The following KLHL29 variants were observed in gnomAD, a reference collection of about 807,000 sequenced individuals.
The protein encoded by KLHL29 is kelch like family member 29.
Under a neutral mutation model 80.4 loss-of-function variants are expected in KLHL29, and 21 were observed. That is an observed-to-expected ratio of 0.26 (90% CI 0.19 to 0.38). The LOEUF (loss-of-function observed/expected upper bound fraction) is 0.38, where lower values mean the gene tolerates loss of function less well. Among genes scored for constraint, KLHL29 ranks in the 10% least tolerant of loss-of-function variants. The pLI, the probability that KLHL29 is intolerant of heterozygous loss-of-function variation, is 1.00. For synonymous variants in KLHL29, 511 were observed against 526.8 expected (o/e 0.97, Z 0.41); for missense variants, 867 against 1,223.9 (o/e 0.71, Z 4.35).
chr2:23,417,683 C>T lies in KLHL29; in HGVS notation c.-154+31903C>T, dbSNP rs371381613. ...TTTTTATCACTGCATTGTCTCTCCT[C>T]CAGCCTCACCTTTCTCTCCCCTCCA... is the stretch of plus-strand genomic sequence containing the variant. On this transcript the variant is annotated intron_variant, in intron 1 of 13. Coordinates refer to ENST00000486442, the MANE Select transcript of KLHL29 (RefSeq NM_052920.2). Among the ~76,000 whole-genome samples, 350 of 152,282 alleles carry T rather than the reference C, an allele frequency of 2.3e-3. 1 individual carries two copies. Among genetic ancestry groups the T allele is most frequent in the Admixed American group, 6.7e-3 (103 of 15,308 alleles).
chr2:23,512,445 CA>C (rs35197507), intron 2 of KLHL29, among the ~76,000 whole-genome samples: 99,126 of 144,864 alleles, frequency 0.68, 33,054 homozygotes, highest in African/African-American at 0.71. Flanking sequence ...AATTCTGTCT[CA>C]AAAAAAAAAA....
rs542371749 is a variant in KLHL29, at chr2:23,695,461, G to C, written c.1543-162G>C. Among the ~76,000 whole-genome samples the C allele has an allele frequency of 3.0e-4, 45 of 152,198 alleles. No homozygotes were observed. Among genetic ancestry groups the C allele is most frequent in the African/African-American group, 1.0e-3 (42 of 41,540 alleles). On this transcript the variant is annotated intron_variant, in intron 8 of 13. Transcript: ENST00000486442. The surrounding 1 kb of genome is among the most constrained non-coding windows in gnomAD (Gnocchi z 7.6). The stretch of plus-strand genomic sequence containing the variant: ...TCCCCTCCACACCTCCAGCTGACTA[G>C]ACTTCCCTTCACCTCTGTCTAGGCT...
chr2:23,691,791 C>T lies in KLHL29; in HGVS notation c.1197C>T (p.Ile399=), dbSNP rs765000339. ...TTGTCTACACGGGCTCCCTGGTCATCGACTCGGCCAACGCCAAGACACTGC... is the reference window on the plus strand; with the variant it reads ...TTGTCTACACGGGCTCCCTGGTCATTGACTCGGCCAACGCCAAGACACTGC... ...LEFVYTGSLV[I]DSANAKTLLE... is the part of the protein sequence containing the mutation. The change falls in exon 7 of 14, where the codon ATC becomes ATT. Residue 399 remains isoleucine, a synonymous_variant. Coordinates refer to ENST00000486442, the MANE Select transcript of KLHL29 (RefSeq NM_052920.2). 2.8e-5 allele frequency: 44 copies of T among 1,551,516 alleles called. No individual in the cohort carries two copies. Among genetic ancestry groups the T allele is most frequent in the Non-Finnish European group, 3.7e-5 (42 of 1,147,018 alleles).
chr2:23,537,417 TACACACACACACACACACACACAC>T (rs5741924), intron 2 of KLHL29, among the ~76,000 whole-genome samples: 16 of 149,050 alleles, frequency 1.1e-4, no homozygotes, highest in East Asian at 4.0e-4. Context: ...GGGCAGAAAC[TACACACACACACACACACACACAC>T]ACACACACAC....
At chr2:23,494,549 C>T (rs1219534702) in intron 2 of KLHL29, among the ~76,000 whole-genome samples, 7 of 152,202 alleles carry the variant, frequency 4.6e-5, no homozygotes, top group East Asian at 1.9e-4. Context: ...CGTGCTTTGT[C>T]GTGAATATCC....
intron 1 of KLHL29, among the ~76,000 whole-genome samples, chr2:23,436,842 G>A (rs1338697576): frequency 6.6e-6 from 1 of 152,200 alleles, no homozygotes; most frequent in African/African-American, 2.4e-5. Context: ...TTAGACTTGG[G>A]AGCTGTTTCT....
intron 4 of KLHL29, among the ~76,000 whole-genome samples, chr2:23,640,821 C>T (rs1018345627): frequency 3.3e-5 from 5 of 152,226 alleles, no homozygotes; most frequent in Non-Finnish European, 7.3e-5. Flanking sequence ...GCGATGCAGG[C>T]CTCGTACCGT....
At position 23,605,601 on chromosome 2, in the gene KLHL29, A is replaced by T. The variant is rs1438872560; in HGVS notation, c.286-33538A>T. Among the ~76,000 whole-genome samples, 3 of 152,082 alleles carry T rather than the reference A, an allele frequency of 2.0e-5. No homozygotes were observed. The East Asian group carries it at 5.8e-4, about 29-fold the overall frequency. On this transcript the variant is annotated intron_variant, in intron 3 of 13. Transcript: ENST00000486442. ...AAAGTCGATTTGGTATATTTTCAGA[A>T]CATGTAACTCCTTAGTGATTAGACT...
intron 3 of KLHL29, among the ~76,000 whole-genome samples, chr2:23,589,597 A>G (rs1668206268): frequency 6.6e-6 from 1 of 152,220 alleles, no homozygotes; most frequent in Non-Finnish European, 1.5e-5. Flanking sequence ...AGGACCCCAG[A>G]GAAGATCTCC....
chr2:23,408,209 A>T (rs906588071), intron 1 of KLHL29, among the ~76,000 whole-genome samples: 5 of 125,992 alleles, frequency 4.0e-5, no homozygotes. Context: ...ATTTTTGGCT[A>T]CTATGTCTGA....
intron 1 of KLHL29, among the ~76,000 whole-genome samples, chr2:23,395,972 A>G (rs1048447627): frequency 6.6e-6 from 1 of 152,210 alleles, no homozygotes; most frequent in Non-Finnish European, 1.5e-5. Context: ...ACAAAAACCC[A>G]AAACCTGATT....
chr2:23,518,744 T>C (rs1298169399), intron 2 of KLHL29, among the ~76,000 whole-genome samples: 1 of 152,046 alleles, frequency 6.6e-6, no homozygotes, highest in Non-Finnish European at 1.5e-5. Context: ...ATGCACCTGG[T>C]CCAGGGCCCC....
At chr2:23,395,949 A>G (rs1418509498) in intron 1 of KLHL29, among the ~76,000 whole-genome samples, 1 of 152,128 alleles carries the variant, frequency 6.6e-6, no homozygotes, top group East Asian at 1.9e-4. Flanking sequence ...TTCCTGACAG[A>G]TTGGTGATGT....
chr2:23,585,451 G>T (rs890737854), intron 3 of KLHL29, among the ~76,000 whole-genome samples: 2 of 152,190 alleles, frequency 1.3e-5, no homozygotes, highest in African/African-American at 4.8e-5. Context: ...TCTGGCCAGC[G>T]TGTTAACAGA....
At chr2:23,433,055 C>A (rs1162633783) in intron 1 of KLHL29, among the ~76,000 whole-genome samples, 1 of 152,052 alleles carries the variant, frequency 6.6e-6, no homozygotes, top group Non-Finnish European at 1.5e-5. Flanking sequence ...GAGTGTGTGC[C>A]CTCCGTTGTC....
chr2:23,438,632 G>A (rs1490628153), intron 1 of KLHL29, among the ~76,000 whole-genome samples: 5 of 149,100 alleles, frequency 3.4e-5, no homozygotes, highest in Non-Finnish European at 7.4e-5. Context: ...TGCGTATATT[G>A]AACCAGCCTT....
At chr2:23,404,401 G>A (rs1053261427) in intron 1 of KLHL29, among the ~76,000 whole-genome samples, 2 of 152,156 alleles carry the variant, frequency 1.3e-5, no homozygotes, top group African/African-American at 4.8e-5. Context: ...AGTGAATTGA[G>A]GACTGTTTAA....
At chr2:23,633,179 A>G (rs1026221038) in intron 3 of KLHL29, among the ~76,000 whole-genome samples, 5 of 152,122 alleles carry the variant, frequency 3.3e-5, no homozygotes, top group Non-Finnish European at 7.4e-5. Flanking sequence ...GGGTACAGGG[A>G]GCTTTGTCTG....
At chr2:23,659,369 G>T (rs1670338833) in intron 5 of KLHL29, among the ~76,000 whole-genome samples, 1 of 152,186 alleles carries the variant, frequency 6.6e-6, no homozygotes, top group Admixed American at 6.5e-5. Context: ...TACAGAGGAG[G>T]AAACTTCGGT....
Sources: gnomAD v4.1 joint callset for allele counts (sites outside exome capture counted in the v4.1 genomes callset) on GRCh38, gnomAD v4.1.1 for gene constraint, Gnocchi (gnomAD v3.1) non-coding constraint, MANE v1.5 for transcripts, NCBI Gene and HGNC (gene_info 2026-07-23, HGNC 2026-07-21) for gene names.